The following SLC6A2 variants were observed in gnomAD, a reference collection of about 807,000 sequenced individuals.
The protein encoded by SLC6A2 is solute carrier family 6 member 2, also known as sodium-dependent noradrenaline transporter.
In SLC6A2, 26 loss-of-function variants were observed where a neutral mutation model predicts 71.7. The ratio of observed to expected loss-of-function variants is 0.36; its 90% confidence interval spans 0.27 to 0.50. The LOEUF (loss-of-function observed/expected upper bound fraction) is 0.50. Ranked by LOEUF, SLC6A2 falls within the 20% of genes least tolerant of loss-of-function variation. The pLI, the probability that SLC6A2 is intolerant of heterozygous loss-of-function variation, is 0.96. For missense variants in SLC6A2, 581 were observed against 803.9 expected (o/e 0.72, Z 3.35); for synonymous variants, 363 against 337.9 (o/e 1.07, Z -0.82).
intron 2 of SLC6A2, among the ~76,000 whole-genome samples, chr16:55,659,750 T>A (rs1357269103): frequency 6.6e-6 from 1 of 152,192 alleles, no homozygotes; most frequent in Non-Finnish European, 1.5e-5. Context: ...TGGTAACTAA[T>A]AAAGTGAAGC....
Position 55,658,385 on chromosome 16 carries a change from C to T in SLC6A2, c.274+1417C>T, listed in dbSNP as rs184125634. ...AAACTTAGCTGGGCGTAGTGGTGCACGCCTGTAATCCCAGCTACGCAGGAG... is the reference window on the plus strand; with the variant it reads ...AAACTTAGCTGGGCGTAGTGGTGCATGCCTGTAATCCCAGCTACGCAGGAG... On this transcript the variant is annotated intron_variant, in intron 2 of 14. Coordinates refer to ENST00000568943, the MANE Select transcript of SLC6A2 (RefSeq NM_001172501.3). Among the ~76,000 whole-genome samples the T allele has an allele frequency of 1.4e-4, 21 of 152,182 alleles. No individual in the cohort carries two copies. In the East Asian group the frequency reaches 1.6e-3, roughly 11 times the overall value.
In SLC6A2 at chr16:55,703,690, C is replaced by T; in HGVS notation, c.*1344C>T. The stretch of plus-strand genomic sequence containing the variant: ...AGGGGTTTCTGTTTATGGTTAGAGT[C>T]TCTTACACCCTTGTTGGAGGGATTC... On this transcript the variant is annotated 3_prime_UTR_variant, in exon 15 of 15. Transcript: ENST00000568943. 3 of 985,342 alleles carry T rather than the reference C, an allele frequency of 3.0e-6. No homozygotes were observed. The South Asian group carries it at 1.4e-4, about 46-fold the overall frequency. The allele number at this position is 985,342 out of a possible 1,614,324, so 61.0% of individuals were successfully genotyped here. A position where few individuals can be genotyped will look rare whatever the true frequency, so the allele number is the denominator to read the frequency against.
intron 8 of SLC6A2, among the ~76,000 whole-genome samples, chr16:55,695,896 C>T (rs981945282): frequency 6.6e-6 from 1 of 152,136 alleles, no homozygotes; most frequent in African/African-American, 2.4e-5. Flanking sequence ...AAGCTGAGAC[C>T]TGGGGAAGGG....
chr16:55,668,853 G>A (rs1225599001), intron 2 of SLC6A2, among the ~76,000 whole-genome samples: 1 of 152,126 alleles, frequency 6.6e-6, no homozygotes, highest in Non-Finnish European at 1.5e-5. Flanking sequence ...TGTAACAGTG[G>A]GGACCTAGTG....
chr16:55,702,356 G>A lies in SLC6A2; in HGVS notation c.*10G>A. ...CTGGCTGGCCATCTGAGCCTGCCTG[G>A]AGGAGAAGGAGGAACCCCCATGCCA... On this transcript the variant is annotated 3_prime_UTR_variant, in exon 15 of 15. Coordinates refer to ENST00000568943, the MANE Select transcript of SLC6A2 (RefSeq NM_001172501.3). The A allele has an allele frequency of 6.2e-7, 1 of 1,614,200 alleles. No individual in the cohort carries two copies. The highest frequency in any genetic ancestry group is 8.5e-7 in the Non-Finnish European group (1 of 1,180,028).
intron 4 of SLC6A2, among the ~76,000 whole-genome samples, chr16:55,672,933 G>C (rs762613252): frequency 6.6e-6 from 1 of 152,212 alleles, no homozygotes; most frequent in Admixed American, 6.5e-5. Flanking sequence ...CCATCACCCA[G>C]TTTCCCCTAA....
chr16:55,698,617 T>G (rs745678891), intron 11 of SLC6A2, 49 bp downstream of exon 11: 3 of 1,330,460 alleles, frequency 2.3e-6, no homozygotes, highest in Non-Finnish European at 2.2e-6. Flanking sequence ...CCTAGAATCC[T>G]GCACCTGGAG....
At chr16:55,700,101 C>G in intron 12 of SLC6A2, 38 bp from the exon 13 acceptor site, 2 of 1,583,452 alleles carry the variant, frequency 1.3e-6, no homozygotes, top group Non-Finnish European at 8.7e-7. Context: ...TCTCTTCTGT[C>G]CTGTCTTCCT....
chr16:55,656,796 G>C lies in SLC6A2; in HGVS notation c.102G>C (p.Leu34=). The change falls in exon 2 of 15, where the codon CTG becomes CTC. Residue 34 remains leucine (L), a synonymous_variant. Coordinates refer to ENST00000568943, the MANE Select transcript of SLC6A2 (RefSeq NM_001172501.3). This position sits in a 1 kb window ranked among gnomAD's most constrained non-coding sequence, Gnocchi z 4.5. The stretch of plus-strand genomic sequence containing the variant: ...GGGCGCGCAAAACTGCGGAGCTGCT[G>C]GTGGTGAAGGAGCGCAACGGCGTCC... ...PLRARKTAEL[L]VVKERNGVQC... 1 of 1,613,414 alleles carries C rather than the reference G, an allele frequency of 6.2e-7. No homozygotes were observed. Among genetic ancestry groups the C allele is most frequent in the Non-Finnish European group, 8.5e-7 (1 of 1,179,790 alleles).
rs1353674022 is a variant in SLC6A2 at position 55,696,257 on chromosome 16, G to A, written c.1180G>A (p.Ala394Thr). 6.2e-7 allele frequency: 1 copy of A among 1,613,374 alleles called. No individual in the cohort carries two copies. Among genetic ancestry groups the A allele is most frequent in the Non-Finnish European group, 8.5e-7 (1 of 1,179,370 alleles). The change falls in exon 9 of 15, where the codon GCC becomes ACC. Residue 394 changes from alanine to threonine, a missense_variant. This residue lies in a region of SLC6A2 where 334 missense variants were observed against 449.0 expected (regional missense o/e 0.74). Transcript: ENST00000568943. ...AGLVFILYPE[A>T]ISTLSGSTFW... ...CCTAGTGTTCATCCTGTATCCAGAG[G>A]CCATTTCTACCCTGTCTGGATCTAC...
intron 6 of SLC6A2, among the ~76,000 whole-genome samples, chr16:55,692,385 T>C (rs1167800917): frequency 6.6e-6 from 1 of 152,148 alleles, no homozygotes; most frequent in African/African-American, 2.4e-5. Context: ...AGCTCCCTAG[T>C]CCACCCCAGC....
At position 55,685,213 on chromosome 16, in the gene SLC6A2, C is replaced by G; in HGVS notation, c.715C>G (p.Leu239Val). The change falls in exon 5 of 15, where the codon CTC becomes GTC. Residue 239 changes from leucine (L) to valine (V), a missense_variant. Physicochemically the swap from Leu to Val is conservative, Grantham distance 32. This residue lies in a region of SLC6A2 where 87 missense variants were observed against 99.5 expected (regional missense o/e 0.87). Transcript: ENST00000568943. ...CGGCCTGCCCCAGTGGCAGCTCTTG[C>G]TCTGTCTGATGGTCGTCGTCATCGT... ...DIGLPQWQLL[L>V]CLMVVVIVLY... The G allele has an allele frequency of 3.7e-6, 6 of 1,614,096 alleles. 1 individual carries two copies. In the South Asian group the frequency reaches 6.6e-5, roughly 18 times the overall value.
chr16:55,665,867 G>A (rs1458587339), intron 2 of SLC6A2, among the ~76,000 whole-genome samples: 1 of 152,336 alleles, frequency 6.6e-6, no homozygotes, highest in East Asian at 1.9e-4. Context: ...CAGTGTGGTT[G>A]GGCCAGAGGT....
At position 55,656,716 on chromosome 16, in the gene SLC6A2, C is replaced by T. The variant is rs1309134108; in HGVS notation, c.22C>T (p.Pro8Ser). MLLARMN[P>S]QVQPENNGAD... Reference sequence around the variant, plus strand: ...ATCCATGCTTCTGGCGCGGATGAACCCGCAGGTGCAGCCCGAGAACAACGG... The same window carrying T: ...ATCCATGCTTCTGGCGCGGATGAACTCGCAGGTGCAGCCCGAGAACAACGG... Residue 8 changes from proline (P) to serine (S), a missense_variant, in exon 2 of 15, where the codon CCG becomes TCG. This residue lies in a region of SLC6A2 where 76 missense variants were observed against 79.9 expected (regional missense o/e 0.95). Transcript: ENST00000568943. This position sits in a 1 kb window ranked among gnomAD's most constrained non-coding sequence, Gnocchi z 4.5. 1.2e-6 allele frequency: 2 copies of T among 1,612,700 alleles called. No individual in the cohort carries two copies. The highest frequency in any genetic ancestry group is 3.3e-5 in the Admixed American group (2 of 60,026).
intron 2 of SLC6A2, among the ~76,000 whole-genome samples, chr16:55,665,830 G>C (rs536025992): frequency 6.6e-6 from 1 of 152,346 alleles, no homozygotes; most frequent in Non-Finnish European, 1.5e-5. Flanking sequence ...ACCCAGAAGA[G>C]TTTCTCTCTA....
rs1226573219 is a variant in SLC6A2, at chr16:55,694,126, T to G, written c.1022+13T>G. 1.3e-6 allele frequency: 2 copies of G among 1,507,980 alleles called. No homozygotes were observed. The highest frequency in any genetic ancestry group is 2.7e-5 in the African/African-American group (2 of 72,762). 93.4% of individuals were successfully genotyped at this position (1,507,980 alleles called of 1,614,324 possible). On this transcript the variant is annotated intron_variant, in intron 7 of 14. Transcript: ENST00000568943. ...ACAACTGTTACAGGTAAGATTCTTCTCAGAATTCTGAGAAGCTCTAAATCC... is the reference window on the plus strand; with the variant it reads ...ACAACTGTTACAGGTAAGATTCTTCGCAGAATTCTGAGAAGCTCTAAATCC...
intron 5 of SLC6A2, among the ~76,000 whole-genome samples, chr16:55,689,887 A>G (rs1473292127): frequency 6.6e-6 from 1 of 152,220 alleles, no homozygotes; most frequent in Non-Finnish European, 1.5e-5. Context: ...GATAACATGA[A>G]ACAGAGGAGG....
intron 5 of SLC6A2, among the ~76,000 whole-genome samples, chr16:55,688,993 C>G (rs557132807): frequency 6.6e-6 from 1 of 152,298 alleles, no homozygotes; most frequent in South Asian, 2.1e-4. Context: ...AAGCAGTGAC[C>G]TCCCTTAGGG....
rs115830756 is a variant in SLC6A2 at position 55,695,482 on chromosome 16, T to C, written c.1147+80T>C. The stretch of plus-strand genomic sequence containing the variant: ...CACCTTATTCTTGGCTGCATGGCTC[T>C]TCCGTGGCTGTAGGAATACTGGGTT... On this transcript the variant is annotated intron_variant, in intron 8 of 14. Coordinates refer to ENST00000568943, the MANE Select transcript of SLC6A2 (RefSeq NM_001172501.3). 8.8e-4 allele frequency: 1,316 copies of C among 1,503,492 alleles called. 11 individuals carry two copies. In the African/African-American group the frequency reaches 0.016, roughly 19 times the overall value. The allele number at this position is 1,503,492 out of a possible 1,614,324, so 93.1% of individuals were successfully genotyped here.
Sources: allele counts gnomAD v4.1 joint callset (sites outside exome capture counted in the v4.1 genomes callset), GRCh38; gene constraint gnomAD v4.1.1; regional missense constraint gnomAD v4.1.1; non-coding constraint Gnocchi (gnomAD v3.1); transcripts MANE v1.5; gene names NCBI Gene and HGNC (gene_info 2026-07-23, HGNC 2026-07-21).